DNAJC11: variants seen among roughly 807,000 people sequenced by gnomAD.
DNAJC11 encodes dnaJ homolog subfamily C member 11.
A neutral mutation model predicts 78.6 loss-of-function variants in DNAJC11; 15 were observed. That is an observed-to-expected ratio of 0.19 (90% confidence interval 0.13 to 0.29). DNAJC11 has a LOEUF of 0.29. DNAJC11 is among the 10% of genes least tolerant of loss of function. DNAJC11 has a pLI of 1.00. For missense variants in DNAJC11, 547 were observed against 709.6 expected (o/e 0.77, Z 2.60); for synonymous variants, 292 against 272.1 (o/e 1.07, Z -0.72).
chr1:6,646,867 T>C (rs1348940293), intron 7 of DNAJC11, among the ~76,000 whole-genome samples: 1 of 152,020 alleles, frequency 6.6e-6, no homozygotes, highest in African/African-American at 2.4e-5. Flanking sequence ...GCCATTAAAA[T>C]AACAGTAGGC....
chr1:6,636,394 T>C, intron 14 of DNAJC11, 148 bp from the exon 15 acceptor site: 1 of 1,234,402 alleles, frequency 8.1e-7, no homozygotes, highest in Non-Finnish European at 1.1e-6. Context: ...GAAACAAGAA[T>C]TTGAAAAAGT....
rs189085030 is a variant in DNAJC11 at position 6,700,244 on chromosome 1, T to C, written c.72+1485A>G. On this transcript the variant is annotated intron_variant, in intron 1 of 15. Transcript: ENST00000377577. Reference sequence around the variant, plus strand: ...GATCCACCCCCTGCCCACAAAAAATTGCTCCTAACTCCACCGCCTATCCCA... The same window carrying C: ...GATCCACCCCCTGCCCACAAAAAATCGCTCCTAACTCCACCGCCTATCCCA... Among the ~76,000 whole-genome samples the C allele has an allele frequency of 4.4e-3, 668 of 152,306 alleles. 6 individuals carry two copies. Among genetic ancestry groups the C allele is most frequent in the African/African-American group, 0.015 (635 of 41,574 alleles).
In DNAJC11 at chr1:6,667,777, G is replaced by A. The variant is rs267598695; in HGVS notation, c.310C>T (p.Arg104Ter). The A allele has an allele frequency of 1.9e-6, 3 of 1,613,880 alleles. No individual in the cohort carries two copies. Among genetic ancestry groups the A allele is most frequent in the Non-Finnish European group, 2.5e-6 (3 of 1,180,038 alleles). Residue 104 changes from arginine to a stop codon, truncating the protein, a stop_gained, in exon 4 of 16, where the codon CGA becomes TGA. Transcript: ENST00000377577. LOFTEE classifies it high-confidence loss of function. ...CTCTGCAGCCGCTCAAACTCCTCTC[G>A]AATTTCAGCAGGGGTTCTCCTCCTT... ...VERRRTPAEI[R>*]EEFERLQRER... is the part of the protein sequence containing the mutation.
At chr1:6,696,254 A>T (rs1642833836) in intron 1 of DNAJC11, among the ~76,000 whole-genome samples, 1 of 152,256 alleles carries the variant, frequency 6.6e-6, no homozygotes. Context: ...TTTTTTATTA[A>T]GACAAAATTA....
At position 6,634,861 on chromosome 1, in the gene DNAJC11, TCCTGTC is replaced by T. The variant is rs2148724451; in HGVS notation, c.*808_*813del. 1.6e-6 allele frequency: 2 copies of T among 1,223,200 alleles called. No individual in the cohort carries two copies. Among genetic ancestry groups the T allele is most frequent in the African/African-American group, 3.1e-5 (2 of 63,698 alleles). 75.8% of individuals were successfully genotyped at this position (1,223,200 alleles called of 1,614,324 possible). A position where few individuals can be genotyped will look rare whatever the true frequency, so the allele number is the denominator to read the frequency against. On this transcript the variant is annotated 3_prime_UTR_variant, in exon 16 of 16. Transcript: ENST00000377577. ...GTCTGATGTCTTGCCAAGCGCCTGGTCCTGTCCTCTTGAGCTGCCCTTGCCCAGCAC... is the reference window on the plus strand; with the variant it reads ...GTCTGATGTCTTGCCAAGCGCCTGGTCTCTTGAGCTGCCCTTGCCCAGCAC...
chr1:6,655,251 G>A (rs376307892), intron 4 of DNAJC11, among the ~76,000 whole-genome samples: 33 of 152,212 alleles, frequency 2.2e-4, no homozygotes, highest in African/African-American at 7.5e-4. Context: ...TGTTTTTGCG[G>A]TGATATTCAA....
chr1:6,700,259 C>T (rs573437808), intron 1 of DNAJC11, among the ~76,000 whole-genome samples: 21 of 152,294 alleles, frequency 1.4e-4, no homozygotes, highest in Non-Finnish European at 2.6e-4. Context: ...CTAACTCCAC[C>T]GCCTATCCCA....
At chr1:6,701,338 G>A (rs1642924370) in intron 1 of DNAJC11, among the ~76,000 whole-genome samples, 1 of 152,174 alleles carries the variant, frequency 6.6e-6, no homozygotes, top group Admixed American at 6.5e-5. Flanking sequence ...GCTGGCGGCG[G>A]GCGATGACAC....
At chr1:6,659,425 T>C (rs1376854873) in intron 4 of DNAJC11, among the ~76,000 whole-genome samples, 1 of 152,192 alleles carries the variant, frequency 6.6e-6, no homozygotes, top group African/African-American at 2.4e-5. Flanking sequence ...CTTCCCATCC[T>C]TCCTCCAGTG....
At chr1:6,647,080 CTTTTTTT>C (rs70981396) in intron 7 of DNAJC11, among the ~76,000 whole-genome samples, 8 of 95,034 alleles carry the variant, frequency 8.4e-5, no homozygotes, top group African/African-American at 2.0e-4. Context: ...CTGGACAGGT[CTTTTTTT>C]TTTTTTTTTT....
At chr1:6,650,772 T>C (rs1337238757) in intron 7 of DNAJC11, among the ~76,000 whole-genome samples, 1 of 151,888 alleles carries the variant, frequency 6.6e-6, no homozygotes, top group Non-Finnish European at 1.5e-5. Flanking sequence ...ACTCGGAAGG[T>C]TGAGACAGGA....
At chr1:6,694,974 CA>C (rs869181454) in intron 1 of DNAJC11, among the ~76,000 whole-genome samples, 1,347 of 32,128 alleles carry the variant, frequency 0.042, 7 homozygotes, top group Non-Finnish European at 0.049. Flanking sequence ...GACTCCGAAT[CA>C]AAAAAAAAAA....
intron 1 of DNAJC11, among the ~76,000 whole-genome samples, chr1:6,697,271 C>T (rs1477371446): frequency 3.3e-5 from 5 of 152,276 alleles, no homozygotes; most frequent in Admixed American, 6.5e-5. Flanking sequence ...CATAGGAGAA[C>T]GGGGGGTCCT....
chr1:6,653,889 G>T lies in DNAJC11; in HGVS notation c.507+22C>A. On this transcript the variant is annotated intron_variant, in intron 5 of 15. Coordinates refer to ENST00000377577, the MANE Select transcript of DNAJC11 (RefSeq NM_018198.4). This position sits in a 1 kb window ranked among gnomAD's most constrained non-coding sequence, Gnocchi z 4.5. Reference sequence around the variant, plus strand: ...TTAACTCGAGCCCTTGCTGTACTCGGAGAGGTGGTTGTGTGCTTTACCTCA... The same window carrying T: ...TTAACTCGAGCCCTTGCTGTACTCGTAGAGGTGGTTGTGTGCTTTACCTCA... 6.2e-7 allele frequency: 1 copy of T among 1,610,296 alleles called. No individual in the cohort carries two copies. The highest frequency in any genetic ancestry group is 2.2e-5 in the East Asian group (1 of 44,706).
At chr1:6,647,226 C>T (rs1319405382) in intron 7 of DNAJC11, among the ~76,000 whole-genome samples, 4 of 151,570 alleles carry the variant, frequency 2.6e-5, no homozygotes, top group Non-Finnish European at 4.4e-5. Context: ...GGACTACAGG[C>T]GCCCACCACC....
At position 6,687,354 on chromosome 1, in the gene DNAJC11, C is replaced by CTT. The variant is rs70981400; in HGVS notation, c.73-6319_73-6318dup. On this transcript the variant is annotated intron_variant, in intron 1 of 15. Coordinates refer to ENST00000377577, the MANE Select transcript of DNAJC11 (RefSeq NM_018198.4). ...CCTGAGGCTTTACACAATACAGTCC[C>CTT]TTTTTTTTTTTTTTTTTTTTGAGAC... Among the ~76,000 whole-genome samples the CTT allele has an allele frequency of 4.5e-3, 540 of 119,014 alleles. 7 individuals carry two copies. Among genetic ancestry groups the CTT allele is most frequent in the African/African-American group, 0.014 (447 of 31,780 alleles). The allele number at this position is 119,014 out of a possible 152,430, so 78.1% of individuals were successfully genotyped here.
chr1:6,650,990 A>G (rs1557471202), intron 7 of DNAJC11: 2 of 509,258 alleles, frequency 3.9e-6, no homozygotes, highest in South Asian at 1.5e-5. Context: ...CTTTTATCTG[A>G]GCTCACACAG....
At chr1:6,640,776 C>G (rs1457889012) in intron 10 of DNAJC11, among the ~76,000 whole-genome samples, 1 of 152,016 alleles carries the variant, frequency 6.6e-6, no homozygotes, top group Non-Finnish European at 1.5e-5. Flanking sequence ...CAGATTGTAC[C>G]ACAGCACTCC....
At chr1:6,663,618 C>T (rs1642251263) in intron 4 of DNAJC11, among the ~76,000 whole-genome samples, 1 of 152,168 alleles carries the variant, frequency 6.6e-6, no homozygotes, top group South Asian at 2.1e-4. Flanking sequence ...GTGGTCCAGT[C>T]AGGTCTAGTT....
Sources: allele counts gnomAD v4.1 joint callset (sites outside exome capture counted in the v4.1 genomes callset), GRCh38; gene constraint gnomAD v4.1.1; non-coding constraint Gnocchi (gnomAD v3.1); transcripts MANE v1.5; gene names NCBI Gene and HGNC (gene_info 2026-07-23, HGNC 2026-07-21).